Variants in AGMO observed in about 807,000 individuals in gnomAD.
AGMO encodes glyceryl-ether monooxygenase.
Under a neutral mutation model 60.2 loss-of-function variants are expected in AGMO, and 75 were observed. That is an observed-to-expected ratio of 1.25 (90% CI 1.03 to 1.51). AGMO has a LOEUF of 1.51. Ranked by LOEUF, AGMO falls within the 40% of genes most tolerant of loss-of-function variation. The pLI is 0.00. For missense variants in AGMO, 763 were observed against 525.5 expected (o/e 1.45, Z -4.42); for synonymous variants, 261 against 177.1 (o/e 1.47, Z -3.76).
chr7:15,389,257 T>C (rs949889504), intron 8 of AGMO, among the ~76,000 whole-genome samples: 1 of 152,106 alleles, frequency 6.6e-6, no homozygotes, highest in African/African-American at 2.4e-5. Context: ...CTGATTCACA[T>C]GAACATTAAG....
intron 5 of AGMO, among the ~76,000 whole-genome samples, chr7:15,399,082 C>A (rs1049673146): frequency 2.0e-5 from 3 of 152,152 alleles, no homozygotes; most frequent in Non-Finnish European, 4.4e-5. Flanking sequence ...TTCTAAACCT[C>A]CCCATATGGT....
intron 5 of AGMO, among the ~76,000 whole-genome samples, chr7:15,417,036 A>T (rs1218824426): frequency 6.6e-6 from 1 of 152,216 alleles, no homozygotes; most frequent in Non-Finnish European, 1.5e-5. Context: ...TAATAAACGA[A>T]TGTAACTACA....
At chr7:15,270,578 A>AAATTTAATC (rs1783568864) in intron 12 of AGMO, among the ~76,000 whole-genome samples, 1 of 123,952 alleles carries the variant, frequency 8.1e-6, no homozygotes, top group Admixed American at 8.3e-5. Context: ...TAGATTAAAC[A>AAATTTAATC]AATTTAATCT....
At chr7:15,303,202 C>T (rs1168973119) in intron 12 of AGMO, among the ~76,000 whole-genome samples, 3 of 152,014 alleles carry the variant, frequency 2.0e-5, no homozygotes, top group Non-Finnish European at 4.4e-5. Flanking sequence ...TTAATAGTGA[C>T]TTTATAATAT....
intron 12 of AGMO, among the ~76,000 whole-genome samples, chr7:15,256,336 T>A (rs1783096694): frequency 6.6e-6 from 1 of 152,024 alleles, no homozygotes; most frequent in Non-Finnish European, 1.5e-5. Flanking sequence ...GAGCTGAAAT[T>A]TTTATTTTTA....
At chr7:15,443,995 A>C (rs1412558237) in intron 3 of AGMO, among the ~76,000 whole-genome samples, 1 of 152,160 alleles carries the variant, frequency 6.6e-6, no homozygotes, top group Non-Finnish European at 1.5e-5. Flanking sequence ...TGCAATGCTT[A>C]TTATCCCTAG....
intron 2 of AGMO, among the ~76,000 whole-genome samples, chr7:15,555,286 TATATATACAC>T (rs1387018729): frequency 7.0e-5 from 7 of 100,394 alleles, no homozygotes; most frequent in Non-Finnish European, 1.1e-4. Flanking sequence ...TATATATATA[TATATATACAC>T]ACACACACAC....
intron 12 of AGMO, among the ~76,000 whole-genome samples, chr7:15,357,648 G>T (rs907063187): frequency 6.6e-6 from 1 of 152,152 alleles, no homozygotes; most frequent in South Asian, 2.1e-4. Flanking sequence ...TGCAGATTTT[G>T]CAACTGCAAT....
chr7:15,379,953 T>G (rs1783610349), intron 10 of AGMO, among the ~76,000 whole-genome samples: 1 of 152,076 alleles, frequency 6.6e-6, no homozygotes, highest in Non-Finnish European at 1.5e-5. Flanking sequence ...TTTCTTTAAT[T>G]CGACACCCTT....
At chr7:15,226,066 C>T (rs1459008730) in intron 12 of AGMO, among the ~76,000 whole-genome samples, 2 of 152,020 alleles carry the variant, frequency 1.3e-5, no homozygotes, top group South Asian at 2.1e-4. Context: ...TTTATCGTTG[C>T]TTTCTTTGCC....
chr7:15,339,337 G>T (rs1271765111), intron 12 of AGMO, among the ~76,000 whole-genome samples: 1 of 152,114 alleles, frequency 6.6e-6, no homozygotes, highest in Non-Finnish European at 1.5e-5. Context: ...TATCCAAATG[G>T]AATGCTGTCA....
Position 15,406,300 on chromosome 7 carries a change from G to A in AGMO, c.610-12121C>T, listed in dbSNP as rs778535231. Among the ~76,000 whole-genome samples, 28 of 49,284 alleles carry A rather than the reference G, an allele frequency of 5.7e-4. 1 individual carries two copies. Among genetic ancestry groups the A allele is most frequent in the Middle Eastern group, 0.03 (2 of 66 alleles). 32.3% of individuals were successfully genotyped at this position (49,284 alleles called of 152,430 possible). Reference sequence around the variant, plus strand: ...TGTACACATATGTGTGTATATATATGGAATATACATATATATGTGTATATA... The same window carrying A: ...TGTACACATATGTGTGTATATATATAGAATATACATATATATGTGTATATA... On this transcript the variant is annotated intron_variant, in intron 5 of 12. Coordinates refer to ENST00000342526, the MANE Select transcript of AGMO (RefSeq NM_001004320.2).
chr7:15,127,367 T>C, the AGMO span, among the ~76,000 whole-genome samples: 1 of 152,168 alleles, frequency 6.6e-6, no homozygotes, highest in Non-Finnish European at 1.5e-5. Context: ...ATTGTTGCCT[T>C]TTGTGTTGAA....
At chr7:15,260,415 CAG>C (rs1257820057) in intron 12 of AGMO, among the ~76,000 whole-genome samples, 1 of 151,794 alleles carries the variant, frequency 6.6e-6, no homozygotes, top group Non-Finnish European at 1.5e-5. Flanking sequence ...TTAAAAAAGA[CAG>C]AGAGGGATAT....
intron 12 of AGMO, among the ~76,000 whole-genome samples, chr7:15,329,843 C>A (rs913707109): frequency 6.6e-6 from 1 of 152,082 alleles, no homozygotes; most frequent in African/African-American, 2.4e-5. Context: ...AGCTTCATAT[C>A]CCACGAGCAT....
intron 5 of AGMO, among the ~76,000 whole-genome samples, chr7:15,412,015 C>T (rs572954663): frequency 3.3e-5 from 5 of 152,116 alleles, no homozygotes; most frequent in Non-Finnish European, 7.4e-5. Context: ...TCTTCTAAGT[C>T]TCTGCTCATC....
intron 4 of AGMO, among the ~76,000 whole-genome samples, chr7:15,421,773 T>G (rs1780932067): frequency 6.6e-6 from 1 of 152,120 alleles, no homozygotes; most frequent in Admixed American, 6.6e-5. Flanking sequence ...TGGCTGGAAT[T>G]ACATCTCAGG....
chr7:15,292,664 CAA>C, intron 12 of AGMO, among the ~76,000 whole-genome samples: 1 of 148,958 alleles, frequency 6.7e-6, no homozygotes, highest in African/African-American at 2.5e-5. Flanking sequence ...AAAAGAAAGA[CAA>C]AGAAGAATGT....
intron 12 of AGMO, among the ~76,000 whole-genome samples, chr7:15,317,763 A>C (rs1473830186): frequency 6.6e-6 from 1 of 151,832 alleles, no homozygotes; most frequent in East Asian, 1.9e-4. Context: ...GTCACACAAT[A>C]AGACAATGGT....
Sources: gnomAD v4.1 joint callset for allele counts (sites outside exome capture counted in the v4.1 genomes callset) on GRCh38, gnomAD v4.1.1 for gene constraint, MANE v1.5 for transcripts, NCBI Gene and HGNC (gene_info 2026-07-23, HGNC 2026-07-21) for gene names.